TNFRSF9: variants seen among roughly 807,000 people sequenced by gnomAD.
The protein encoded by TNFRSF9 is tumor necrosis factor receptor superfamily member 9.
In TNFRSF9, 16 loss-of-function variants were observed where a neutral mutation model predicts 28.8. The ratio of observed to expected loss-of-function variants is 0.55; its 90% CI spans 0.38 to 0.84. The LOEUF (loss-of-function observed/expected upper bound fraction) is 0.84, where lower values mean the gene tolerates loss of function less well. Ranked by LOEUF, TNFRSF9 falls within the 40% of genes least tolerant of loss-of-function variation. The pLI is 0.00. For missense variants in TNFRSF9, 303 were observed against 315.0 expected, an observed-to-expected ratio of 0.96 and a Z score of 0.29; for synonymous variants, 131 against 117.0, an observed-to-expected ratio of 1.12 and a Z score of -0.77.
chr1:7,934,962 CTGGAATCACCATAAGA>C, intron 6 of TNFRSF9, 35 bp downstream of exon 6: 1 of 1,601,638 alleles, frequency 6.2e-7, no homozygotes, highest in Non-Finnish European at 8.5e-7. Flanking sequence ...TAGATACAAT[CTGGAATCACCATAAGA>C]TACGCACTTT....
chr1:7,931,200 A>G (rs1270625324), intron 7 of TNFRSF9, among the ~76,000 whole-genome samples: 1 of 152,224 alleles, frequency 6.6e-6, no homozygotes, highest in East Asian at 1.9e-4. Flanking sequence ...ATCATTTAGG[A>G]AAACAGTTTG....
At position 7,933,232 on chromosome 1, in the gene TNFRSF9, C is replaced by A; in HGVS notation, c.609G>T (p.Leu203=). The A allele has an allele frequency of 1.2e-6, 2 of 1,613,962 alleles. No homozygotes were observed. Among genetic ancestry groups the A allele is most frequent in the Non-Finnish European group, 1.7e-6 (2 of 1,179,886 alleles). Residue 203 remains leucine (L), a synonymous_variant, in exon 7 of 8, where the codon CTG becomes CTT. Transcript: ENST00000377507. ...CAGAGAAACGGAGCGTGAGGAAGAACAGCAGGAAGAGCAACGCAGTCGACG... is the reference window on the plus strand; with the variant it reads ...CAGAGAAACGGAGCGTGAGGAAGAAAAGCAGGAAGAGCAACGCAGTCGACG... ...ALTSTALLFL[L]FFLTLRFSVV...
At chr1:7,925,488 A>T (rs1414904790) in intron 7 of TNFRSF9, among the ~76,000 whole-genome samples, 2 of 152,142 alleles carry the variant, frequency 1.3e-5, no homozygotes, top group East Asian at 1.9e-4. Flanking sequence ...TTTGTGGAAG[A>T]CAATTTTTCC....
At chr1:7,929,909 A>G (rs991372679) in intron 7 of TNFRSF9, among the ~76,000 whole-genome samples, 3 of 151,972 alleles carry the variant, frequency 2.0e-5, no homozygotes, top group African/African-American at 7.3e-5. Flanking sequence ...TGTCTTGGCA[A>G]ATTCCTGTGA....
rs9657965 is a variant in TNFRSF9, at chr1:7,938,194, T to G, written c.345A>C (p.Lys115Asn). ...DCKQGQELTK[K>N]GCKDCCFGTF... is the part of the protein sequence containing the mutation. ...TAGATCAAAGAAACGCAAACGTACC[T>G]TTTTTTGTCAGTTCTTGACCTTGTT... Residue 115 changes from lysine to asparagine, a missense_variant and splice_region_variant, in exon 4 of 8, where the codon AAA becomes AAC. By Grantham distance (94) the Lys-to-Asn change is moderately conservative. Transcript: ENST00000377507. 1.4e-4 allele frequency: 216 copies of G among 1,573,630 alleles called. No individual in the cohort carries two copies. In the African/African-American group the frequency reaches 2.6e-3, roughly 19 times the overall value.
intron 7 of TNFRSF9, among the ~76,000 whole-genome samples, chr1:7,929,967 CTTTTTTTTT>C (rs56299901): frequency 9.7e-5 from 11 of 113,110 alleles, no homozygotes; most frequent in Non-Finnish European, 1.5e-4. Context: ...GACCTAAAAC[CTTTTTTTTT>C]TTTTTTTTTT....
At chr1:7,938,478 C>T in intron 3 of TNFRSF9, 148 bp from the exon 4 acceptor site, 1 of 975,542 alleles carries the variant, frequency 1.0e-6, no homozygotes, top group Non-Finnish European at 1.4e-6. Context: ...TCCATAAAGA[C>T]ATTTTTACAT....
chr1:7,937,294 A>G (rs1233075548), intron 5 of TNFRSF9, among the ~76,000 whole-genome samples: 1 of 152,046 alleles, frequency 6.6e-6, no homozygotes, highest in Non-Finnish European at 1.5e-5. Flanking sequence ...AGCCTTCCCT[A>G]TAGCTGGGAC....
chr1:7,931,041 A>G lies in TNFRSF9; in HGVS notation c.679+2121T>C, dbSNP rs540491972. ...ACATGAAAAGGCGTCTAACCTCACTAGCAACCAGGAAGTGTAAGTTAAAAC... is the reference window on the plus strand; with the variant it reads ...ACATGAAAAGGCGTCTAACCTCACTGGCAACCAGGAAGTGTAAGTTAAAAC... On this transcript the variant is annotated intron_variant, in intron 7 of 7. Transcript: ENST00000377507. Among the ~76,000 whole-genome samples, 263 of 152,336 alleles carry G rather than the reference A, an allele frequency of 1.7e-3. 1 individual carries two copies. Among genetic ancestry groups the G allele is most frequent in the Non-Finnish European group, 3.2e-3 (217 of 68,026 alleles).
chr1:7,937,693 G>A lies in TNFRSF9; in HGVS notation c.410C>T (p.Thr137Ile). 1.2e-6 allele frequency: 2 copies of A among 1,612,528 alleles called. No homozygotes were observed. The highest frequency in any genetic ancestry group is 1.7e-6 in the Non-Finnish European group (2 of 1,178,708). Reference sequence around the variant, plus strand: ...AACTAAAGGAAATTATACGTACTTTGTCCAGGGTCGACAGATGCCACGTTT... The same window carrying A: ...AACTAAAGGAAATTATACGTACTTTATCCAGGGTCGACAGATGCCACGTTT... ...DQKRGICRPW[T>I]NCSLDGKSVL... The change falls in exon 5 of 8, where the codon ACA becomes ATA. Residue 137 changes from threonine (T) to isoleucine (I), a missense_variant. By Grantham distance (89) the Thr-to-Ile change is moderately conservative. Transcript: ENST00000377507.
rs769441615 is a variant in TNFRSF9 at position 7,938,773 on chromosome 1, A to G, written c.156T>C (p.Ser52=). ...TCCTTTGTCCACCTGCGCTGGAGAA[A>G]CTATTTGGAGGACAGGGACTGCAAA... ...NQICSPCPPN[S]FSSAGGQRTC... is the part of the protein sequence containing the mutation. Residue 52 remains serine, a synonymous_variant, in exon 3 of 8, where the codon AGT becomes AGC. Coordinates refer to ENST00000377507, the MANE Select transcript of TNFRSF9 (RefSeq NM_001561.6). 29 of 1,613,662 alleles carry G rather than the reference A, an allele frequency of 1.8e-5. No homozygotes were observed. The highest frequency in any genetic ancestry group is 2.4e-5 in the Non-Finnish European group (28 of 1,179,820).
At chr1:7,928,952 C>T (rs1309412570) in intron 7 of TNFRSF9, among the ~76,000 whole-genome samples, 1 of 151,956 alleles carries the variant, frequency 6.6e-6, no homozygotes, top group Non-Finnish European at 1.5e-5. Flanking sequence ...CAAATGGAGC[C>T]AGGGAAGGCC....
chr1:7,935,116 A>G lies in TNFRSF9; in HGVS notation c.441T>C (p.Leu147=). The G allele has an allele frequency of 1.2e-6, 2 of 1,614,234 alleles. No individual in the cohort carries two copies. The highest frequency in any genetic ancestry group is 1.7e-6 in the Non-Finnish European group (2 of 1,180,044). The part of the protein sequence containing the change: ...TNCSLDGKSV[L]VNGTKERDVV... ...CGTCCCTCTCCTTCGTCCCATTCAC[A>G]AGCACAGACTTTCCATCCAAAGAAC... The change falls in exon 6 of 8, where the codon CTT becomes CTC. Residue 147 remains leucine, a synonymous_variant. Transcript: ENST00000377507.
chr1:7,917,960 A>ATC lies in TNFRSF9; in HGVS notation c.*2874_*2875insGA, dbSNP rs1639502749. On this transcript the variant is annotated 3_prime_UTR_variant, in exon 8 of 8. Coordinates refer to ENST00000377507, the MANE Select transcript of TNFRSF9 (RefSeq NM_001561.6). Reference sequence around the variant, plus strand: ...GGGAAAAATAAATTACAAAGGATATATATATATATATATATAGATATAGAT... The same window carrying ATC: ...GGGAAAAATAAATTACAAAGGATATATCTATATATATATATATAGATATAGAT... 2 of 132,456 alleles carry ATC rather than the reference A, an allele frequency of 1.5e-5. No homozygotes were observed. Among genetic ancestry groups the ATC allele is most frequent in the Admixed American group, 7.7e-5 (1 of 13,058 alleles). 8.2% of individuals were successfully genotyped at this position (132,456 alleles called of 1,614,324 possible). A position where few individuals can be genotyped will look rare whatever the true frequency, so the allele number is the denominator to read the frequency against.
chr1:7,933,120 C>G (rs1055467611), intron 7 of TNFRSF9, 42 bp downstream of exon 7: 17 of 1,550,592 alleles, frequency 1.1e-5, no homozygotes, highest in South Asian at 3.6e-5. Context: ...TTATAAAAAG[C>G]CTTGCCTTGC....
chr1:7,933,319 A>G (rs1322941208), intron 6 of TNFRSF9, 23 bp from the exon 7 acceptor site: 1 of 1,606,932 alleles, frequency 6.2e-7, no homozygotes, highest in Non-Finnish European at 8.5e-7. Flanking sequence ...GCAAAAGGAG[A>G]AACGCATGCA....
At chr1:7,937,454 T>C (rs536468406) in intron 5 of TNFRSF9, among the ~76,000 whole-genome samples, 1 of 152,260 alleles carries the variant, frequency 6.6e-6, no homozygotes, top group Admixed American at 6.5e-5. Context: ...CCACTGCACG[T>C]GCCCAGCCTC....
intron 7 of TNFRSF9, among the ~76,000 whole-genome samples, chr1:7,922,687 C>T (rs894790533): frequency 6.6e-6 from 1 of 151,884 alleles, no homozygotes; most frequent in Non-Finnish European, 1.5e-5. Context: ...TGGCGCTCAC[C>T]TGTAATCTTA....
intron 5 of TNFRSF9, chr1:7,936,643 A>G (rs1317806975): frequency 6.6e-6 from 1 of 152,258 alleles, no homozygotes; most frequent in Non-Finnish European, 1.5e-5. Context: ...CAAAAAAGTC[A>G]CTTTCCAGTC....
Sources: gnomAD v4.1 joint callset for allele counts (sites outside exome capture counted in the v4.1 genomes callset) on GRCh38, gnomAD v4.1.1 for gene constraint, MANE v1.5 for transcripts, NCBI Gene and HGNC (gene_info 2026-07-23, HGNC 2026-07-21) for gene names.